RIF1: variants seen among roughly 807,000 people sequenced by gnomAD.
RIF1 encodes the protein replication timing regulatory factor 1.
In RIF1, 45 loss-of-function variants were observed where a neutral mutation model predicts 247.1. The ratio of observed to expected loss-of-function variants is 0.18; its 90% CI spans 0.14 to 0.23. RIF1 has a LOEUF of 0.23. Ranked by LOEUF, RIF1 falls within the 10% of genes least tolerant of loss-of-function variation. RIF1 has a pLI of 1.00. For missense variants in RIF1, 2,967 were observed against 2,862.5 expected, an observed-to-expected ratio of 1.04 and a Z score of -0.83; for synonymous variants, 1,087 against 978.8, an observed-to-expected ratio of 1.11 and a Z score of -2.06.
At chr2:151,424,825 A>ATTTTTTTTT (rs71000475) in intron 8 of RIF1, among the ~76,000 whole-genome samples, 4 of 47,272 alleles carry the variant, frequency 8.5e-5, no homozygotes, top group African/African-American at 2.4e-4. Flanking sequence ...AGCCCGGCTG[A>ATTTTTTTTT]TTTTTTTTTT....
chr2:151,442,903 CTG>C (rs1692607010), intron 16 of RIF1, among the ~76,000 whole-genome samples: 1 of 151,006 alleles, frequency 6.6e-6, no homozygotes, highest in South Asian at 2.1e-4. Flanking sequence ...TCCCGAGTAG[CTG>C]GGACTACAGG....
At position 151,478,597 on chromosome 2, in the gene RIF1, A is replaced by G. The variant is rs2049043311; in HGVS notation, c.*3526A>G. ...AAACATCATAAAAATGTGAAGAGTA[A>G]GTGGTGAGGCAAGAAACAAAATTGG... On this transcript the variant is annotated 3_prime_UTR_variant, in exon 36 of 36. Transcript: ENST00000444746. 1 of 152,200 alleles carries G rather than the reference A, an allele frequency of 6.6e-6. No individual in the cohort carries two copies. The highest frequency in any genetic ancestry group is 2.4e-5 in the African/African-American group (1 of 41,438). 9.4% of individuals were successfully genotyped at this position (152,200 alleles called of 1,614,324 possible). A position where few individuals can be genotyped will look rare whatever the true frequency, so the allele number is the denominator to read the frequency against.
At chr2:151,514,343 T>A in the RIF1 span, 1 of 1,613,470 alleles carries the variant, frequency 6.2e-7, no homozygotes. Flanking sequence ...AGTGGCATTC[T>A]TTGCTCTTAG....
rs1435056591 is a variant in RIF1 at position 151,494,269 on chromosome 2, G to T, written c.*416-960G>T. On this transcript the variant is annotated intron_variant and NMD_transcript_variant, in intron 9 of 13. Transcript: ENST00000454583. ...TGTACAAAACCTATGGGAATCCAAT[G>T]GGTCCAAAAAGCCAAAAAGAAAAAG... 3.2e-6 allele frequency: 5 copies of T among 1,546,704 alleles called. No individual in the cohort carries two copies. In the East Asian group the frequency reaches 6.8e-5, roughly 21 times the overall value.
At chr2:151,498,728 A>G (rs906057220) in intron 10 of RIF1, among the ~76,000 whole-genome samples, 1 of 152,184 alleles carries the variant, frequency 6.6e-6, no homozygotes, top group African/African-American at 2.4e-5. Context: ...TGTTAATCAC[A>G]TAGGGATATT....
At chr2:151,496,928 C>G (rs772220429) in intron 10 of RIF1, 1 of 1,552,762 alleles carries the variant, frequency 6.4e-7, no homozygotes, top group Non-Finnish European at 8.7e-7. Context: ...TTTTTCTTTT[C>G]TTGCCCAAGT....
chr2:151,457,993 T>A, intron 24 of RIF1, 30 bp downstream of exon 24: 1 of 1,460,830 alleles, frequency 6.8e-7, no homozygotes, highest in Non-Finnish European at 9.6e-7. Flanking sequence ...TATATACAAC[T>A]AACTATTCTG....
intron 4 of RIF1, among the ~76,000 whole-genome samples, chr2:151,415,807 A>G (rs2342911): frequency 0.64 from 97,693 of 151,752 alleles, 31,575 homozygotes; most frequent in South Asian, 0.8. Flanking sequence ...AACCTGGGAG[A>G]TGGAGGTTGC....
In RIF1 at chr2:151,474,927, T is replaced by C; in HGVS notation, c.7275T>C (p.Ala2425=). 1 of 1,610,474 alleles carries C rather than the reference T, an allele frequency of 6.2e-7. No individual in the cohort carries two copies. Among genetic ancestry groups the C allele is most frequent in the African/African-American group, 1.3e-5 (1 of 75,000 alleles). The change falls in exon 36 of 36, where the codon GCT becomes GCC. Residue 2425 remains alanine, a synonymous_variant. Coordinates refer to ENST00000444746, the MANE Select transcript of RIF1 (RefSeq NM_018151.5). ...KNLLAQISAL[A]LQLDSEDLHN... is the part of the protein sequence containing the mutation. ...TTCTGGCACAGATTAGTGCTCTTGC[T>C]CTTCAGCTGGATTCAGAAGATCTTC...
the RIF1 span, chr2:151,526,214 C>T: frequency 2.4e-4 from 392 of 1,613,802 alleles, no homozygotes; most frequent in Admixed American, 1.8e-3. Flanking sequence ...GTGTCAGGTA[C>T]GGCATGGCAG....
chr2:151,514,990 A>C, the RIF1 span: 1 of 1,039,550 alleles, frequency 9.6e-7, no homozygotes, highest in South Asian at 1.5e-5. Flanking sequence ...ATATCTCTCC[A>C]TCTCAGGAAG....
At chr2:151,527,512 T>G in the RIF1 span, 2 of 1,613,348 alleles carry the variant, frequency 1.2e-6, no homozygotes, top group African/African-American at 2.7e-5. Flanking sequence ...CTTGGCAGCC[T>G]GGAGGAAGTC....
chr2:151,485,889 A>T, downstream of RIF1: 1 of 1,613,972 alleles, frequency 6.2e-7, no homozygotes, highest in Non-Finnish European at 8.5e-7. Flanking sequence ...AGGACACCTC[A>T]TCTGCATCAG....
intron 9 of RIF1, among the ~76,000 whole-genome samples, chr2:151,430,539 C>T (rs1206043541): frequency 1.3e-5 from 2 of 152,118 alleles, no homozygotes; most frequent in Non-Finnish European, 2.9e-5. Flanking sequence ...CCAGGCTGGT[C>T]TCGAACTTCT....
At chr2:151,439,807 T>C (rs897238590) in intron 14 of RIF1, among the ~76,000 whole-genome samples, 6 of 149,950 alleles carry the variant, frequency 4.0e-5, no homozygotes, top group Admixed American at 1.3e-4. Flanking sequence ...AACCCGTCTC[T>C]ACTAAAAATA....
At chr2:151,494,796 GCA>G (rs2059071785) in intron 9 of RIF1, among the ~76,000 whole-genome samples, 1 of 152,096 alleles carries the variant, frequency 6.6e-6, no homozygotes, top group Non-Finnish European at 1.5e-5. Flanking sequence ...TTACAGGCGT[GCA>G]CCACCATGCC....
At chr2:151,488,404 T>C (rs1186694626) in intron 9 of RIF1, among the ~76,000 whole-genome samples, 2 of 150,964 alleles carry the variant, frequency 1.3e-5, no homozygotes, top group African/African-American at 2.4e-5. Context: ...CCCAGCATTT[T>C]AGGAGGCCAA....
chr2:151,461,107 T>TAA, intron 26 of RIF1, 31 bp from the exon 27 acceptor site: 1 of 1,587,150 alleles, frequency 6.3e-7, no homozygotes, highest in Non-Finnish European at 8.6e-7. Flanking sequence ...GAAGCTAAAA[T>TAA]GTACATTTGC....
the RIF1 span, among the ~76,000 whole-genome samples, chr2:151,516,157 T>A: frequency 2.0e-5 from 3 of 152,178 alleles, no homozygotes; most frequent in Middle Eastern, 3.2e-3. Flanking sequence ...GAACTTTTCA[T>A]TCATAAAGGA....
Sources: allele counts gnomAD v4.1 joint callset (sites outside exome capture counted in the v4.1 genomes callset), GRCh38; gene constraint gnomAD v4.1.1; transcripts MANE v1.5; gene names NCBI Gene and HGNC (gene_info 2026-07-23, HGNC 2026-07-21).